Variants in ILDR2 observed in about 807,000 individuals in gnomAD.
ILDR2 encodes the protein immunoglobulin-like domain-containing receptor 2.
A neutral mutation model predicts 66.8 loss-of-function variants in ILDR2; 25 were observed. The observed-to-expected ratio is 0.37, with a 90% CI of 0.27 to 0.52. ILDR2 has a LOEUF of 0.52. ILDR2 is among the 20% of genes least tolerant of loss of function. ILDR2 has a pLI of 0.88. For missense variants in ILDR2, 827 were observed against 876.8 expected (o/e 0.94, Z 0.72); for synonymous variants, 367 against 357.2 (o/e 1.03, Z -0.31).
chr1:166,972,196 A>G (rs1414594908), intron 1 of ILDR2, among the ~76,000 whole-genome samples: 2 of 151,690 alleles, frequency 1.3e-5, no homozygotes, highest in Admixed American at 6.6e-5. Context: ...TGGGTGACAG[A>G]GTGAGACTCT....
At chr1:166,925,171 T>C (rs1169942365) in intron 7 of ILDR2, among the ~76,000 whole-genome samples, 1 of 152,192 alleles carries the variant, frequency 6.6e-6, no homozygotes, top group East Asian at 1.9e-4. Context: ...TTCATGAGCC[T>C]GGACCTCAAA....
intron 3 of ILDR2, among the ~76,000 whole-genome samples, chr1:166,948,387 A>G (rs1342870546): frequency 6.6e-6 from 1 of 152,208 alleles, no homozygotes; most frequent in East Asian, 1.9e-4. Flanking sequence ...CACCCTATCT[A>G]AAGTCTTCCC....
At chr1:166,927,775 G>T (rs919123658) in intron 6 of ILDR2, among the ~76,000 whole-genome samples, 4 of 152,210 alleles carry the variant, frequency 2.6e-5, no homozygotes, top group Non-Finnish European at 5.9e-5. Flanking sequence ...AAACTATGTG[G>T]ATTTTTAATT....
chr1:166,971,994 C>G (rs2102037929), intron 1 of ILDR2, among the ~76,000 whole-genome samples: 1 of 152,178 alleles, frequency 6.6e-6, no homozygotes, highest in East Asian at 1.9e-4. Flanking sequence ...GGCATATCAC[C>G]TGGGGTTGGG....
intron 3 of ILDR2, among the ~76,000 whole-genome samples, chr1:166,942,113 CAGAA>C (rs1167055635): frequency 6.6e-6 from 1 of 152,192 alleles, no homozygotes; most frequent in Non-Finnish European, 1.5e-5. Context: ...AGTCTACAAA[CAGAA>C]AGACCATCTA....
Position 166,975,538 on chromosome 1 carries a change from C to T in ILDR2, c.-270G>A, listed in dbSNP as rs973142143. The T allele has an allele frequency of 4.7e-5, 7 of 147,998 alleles. No individual in the cohort carries two copies. Among genetic ancestry groups the T allele is most frequent in the African/African-American group, 1.7e-4 (7 of 40,920 alleles). 9.2% of individuals were successfully genotyped at this position (147,998 alleles called of 1,614,324 possible). A position where few individuals can be genotyped will look rare whatever the true frequency, so the allele number is the denominator to read the frequency against. ...AGGCAGCGCGGCACGGGGCGAGCGTCTCCCCGCCGCAGAGCCCGCCGCGCG... is the reference window on the plus strand; with the variant it reads ...AGGCAGCGCGGCACGGGGCGAGCGTTTCCCCGCCGCAGAGCCCGCCGCGCG... On this transcript the variant is annotated 5_prime_UTR_variant, in exon 1 of 10. Transcript: ENST00000271417.
At chr1:166,967,243 T>A (rs1663007381) in intron 1 of ILDR2, among the ~76,000 whole-genome samples, 1 of 152,204 alleles carries the variant, frequency 6.6e-6, no homozygotes, top group Non-Finnish European at 1.5e-5. Flanking sequence ...GAAATGGCTA[T>A]GAGCAGTCTC....
intron 4 of ILDR2, among the ~76,000 whole-genome samples, chr1:166,939,058 TA>T (rs1406775433): frequency 6.6e-6 from 1 of 152,136 alleles, no homozygotes; most frequent in Non-Finnish European, 1.5e-5. Context: ...GGAGGAGGGG[TA>T]CATAGCTTTC....
At position 166,936,735 on chromosome 1, in the gene ILDR2, A is replaced by G. The variant is rs1285555373; in HGVS notation, c.559T>C (p.Trp187Arg). The G allele has an allele frequency of 6.2e-7, 1 of 1,613,594 alleles. No homozygotes were observed. The change falls in exon 5 of 10, where the codon TGG becomes CGG. Residue 187 changes from tryptophan to arginine, a missense_variant and splice_region_variant. Physicochemically the swap from Trp to Arg is moderately radical, Grantham distance 101 (BLOSUM62 -3). Coordinates refer to ENST00000271417, the MANE Select transcript of ILDR2 (RefSeq NM_199351.3). The surrounding 1 kb of genome is among the most constrained non-coding windows in gnomAD (Gnocchi z 5.0). ...PSFAVEIMPEWVFVGLVLLGV... is the reference protein window; with the variant it reads ...PSFAVEIMPERVFVGLVLLGV... ...AGGAGCACCAGGCCAACAAACACCC[A>G]CTCTGGAAGGATGCACAAAGAAATC...
chr1:166,943,941 G>T, intron 3 of ILDR2: 1 of 695,576 alleles, frequency 1.4e-6, no homozygotes, highest in Non-Finnish European at 1.8e-6. Context: ...CAGTTTTTAT[G>T]TAAGCGCTCA....
chr1:166,943,098 A>G (rs563431475), intron 3 of ILDR2, among the ~76,000 whole-genome samples: 6 of 152,320 alleles, frequency 3.9e-5, no homozygotes, highest in Non-Finnish European at 8.8e-5. Flanking sequence ...TGTGCAGTAA[A>G]GTGGGTGAAA....
intron 1 of ILDR2, among the ~76,000 whole-genome samples, chr1:166,970,764 C>G (rs1663239858): frequency 6.6e-6 from 1 of 152,098 alleles, no homozygotes; most frequent in South Asian, 2.1e-4. Context: ...TGAGGATATT[C>G]AAATAACTTC....
At position 166,975,254 on chromosome 1, in the gene ILDR2, C is replaced by T. The variant is rs1663527577; in HGVS notation, c.15G>A (p.Leu5=). 1.2e-6 allele frequency: 2 copies of T among 1,613,684 alleles called. No homozygotes were observed. The part of the protein sequence containing the change: MDRV[L]LRWISLFWLT... ...GCCAGAAGAGAGAAATCCACCTCAG[C>T]AAGACCCTATCCATCTTCCCCAACT... Residue 5 remains leucine (L), a synonymous_variant, in exon 1 of 10, where the codon TTG becomes TTA. Transcript: ENST00000271417.
intron 1 of ILDR2, among the ~76,000 whole-genome samples, chr1:166,960,063 C>T (rs1355391218): frequency 2.0e-5 from 3 of 152,116 alleles, no homozygotes; most frequent in African/African-American, 7.2e-5. Context: ...ACTGAAGGAC[C>T]CTTGACAAGG....
chr1:166,909,770 A>ATATAT lies in ILDR2; in HGVS notation c.*9584_*9585insATATA, dbSNP rs1659430024. On this transcript the variant is annotated 3_prime_UTR_variant, in exon 10 of 10. Transcript: ENST00000271417. Reference sequence around the variant, plus strand: ...ATATATATATATATAAATATATATAAATATATATATTTATATATATATATA... The same window carrying ATATAT: ...ATATATATATATATAAATATATATAATATATATATATATATTTATATATATATATA... 15 of 66,220 alleles carry ATATAT rather than the reference A, an allele frequency of 2.3e-4. No homozygotes were observed. Among genetic ancestry groups the ATATAT allele is most frequent in the East Asian group, 6.7e-4 (1 of 1,482 alleles). The allele number at this position is 66,220 out of a possible 1,614,324, so 4.1% of individuals were successfully genotyped here. A position where few individuals can be genotyped will look rare whatever the true frequency, so the allele number is the denominator to read the frequency against.
intron 7 of ILDR2, among the ~76,000 whole-genome samples, chr1:166,925,701 A>G (rs1214085142): frequency 2.0e-5 from 3 of 152,152 alleles, no homozygotes; most frequent in Non-Finnish European, 4.4e-5. Context: ...CCTGCACACT[A>G]CAAAGGTTAA....
intron 7 of ILDR2, among the ~76,000 whole-genome samples, chr1:166,925,489 G>T (rs1459752528): frequency 6.6e-6 from 1 of 152,152 alleles, no homozygotes; most frequent in Non-Finnish European, 1.5e-5. Context: ...GTCCCTTCCA[G>T]CTCTGACATT....
At chr1:166,959,549 C>A in intron 1 of ILDR2, among the ~76,000 whole-genome samples, 1 of 152,086 alleles carries the variant, frequency 6.6e-6, no homozygotes, top group East Asian at 1.9e-4. Flanking sequence ...AAGTTCAAAG[C>A]TTTGAAGGAT....
chr1:166,902,237 A>G (rs1659277780), intron 2 of ILDR2, among the ~76,000 whole-genome samples: 1 of 152,244 alleles, frequency 6.6e-6, no homozygotes, highest in Non-Finnish European at 1.5e-5. Flanking sequence ...CCAAGGCTGC[A>G]CATGTCTCTC....
Sources: allele counts gnomAD v4.1 joint callset (sites outside exome capture counted in the v4.1 genomes callset), GRCh38; gene constraint gnomAD v4.1.1; non-coding constraint Gnocchi (gnomAD v3.1); transcripts MANE v1.5; gene names NCBI Gene and HGNC (gene_info 2026-07-23, HGNC 2026-07-21).